The following WARS2 variants were observed in gnomAD, a reference collection of about 807,000 sequenced individuals.
WARS2 encodes tryptophanyl tRNA synthetase 2, mitochondrial.
In WARS2, 28 loss-of-function variants were observed where a neutral mutation model predicts 36.5. The observed-to-expected ratio is 0.77, with a 90% CI of 0.57 to 1.05. WARS2 has a LOEUF of 1.05. WARS2 is among the 50% of genes least tolerant of loss of function. The pLI is 0.00. For missense variants in WARS2, 435 were observed against 456.8 expected (o/e 0.95, Z 0.44); for synonymous variants, 174 against 178.4 (o/e 0.98, Z 0.20).
intron 1 of WARS2, among the ~76,000 whole-genome samples, chr1:119,137,908 A>T (rs960213059): frequency 2.4e-4 from 36 of 152,130 alleles, no homozygotes; most frequent in South Asian, 8.3e-4. Flanking sequence ...ATTTTGTTTT[A>T]AAAAAAGAAA....
chr1:119,107,898 G>A (rs751536295), intron 1 of WARS2, among the ~76,000 whole-genome samples: 3 of 151,918 alleles, frequency 2.0e-5, no homozygotes, highest in South Asian at 2.1e-4. Context: ...TGAGTGTTGC[G>A]TTTTGTTAAA....
intron 2 of WARS2, among the ~76,000 whole-genome samples, chr1:119,068,058 T>C (rs1651014321): frequency 6.6e-6 from 1 of 152,236 alleles, no homozygotes; most frequent in Admixed American, 6.5e-5. Flanking sequence ...ATGGGCCATT[T>C]AGATTCTTAT....
At chr1:119,125,638 A>G (rs1655604242) in intron 1 of WARS2, among the ~76,000 whole-genome samples, 1 of 152,250 alleles carries the variant, frequency 6.6e-6, no homozygotes, top group Non-Finnish European at 1.5e-5. Flanking sequence ...TTAATCATTC[A>G]GGAGACAATG....
chr1:119,140,222 C>G (rs1656844643), intron 1 of WARS2: 1 of 238,732 alleles, frequency 4.2e-6, no homozygotes, highest in African/African-American at 2.2e-5. Flanking sequence ...AGAGCAGTCT[C>G]TAAAACAACC....
chr1:119,107,423 T>A (rs1316747327), intron 1 of WARS2, among the ~76,000 whole-genome samples: 1 of 152,114 alleles, frequency 6.6e-6, no homozygotes, highest in East Asian at 1.9e-4. Context: ...ATTTTACATT[T>A]AGTGTTAGGA....
intron 1 of WARS2, among the ~76,000 whole-genome samples, chr1:119,099,945 A>G (rs1420061308): frequency 1.3e-5 from 2 of 152,176 alleles, no homozygotes; most frequent in African/African-American, 4.8e-5. Flanking sequence ...CCAAAAATAG[A>G]CAAGTAGGAC....
At chr1:119,048,286 CTG>C (rs2101140666) in intron 2 of WARS2, among the ~76,000 whole-genome samples, 1 of 152,306 alleles carries the variant, frequency 6.6e-6, no homozygotes, top group Admixed American at 6.5e-5. Context: ...CTGAGTGACT[CTG>C]TGTAAGTGAT....
intron 2 of WARS2, among the ~76,000 whole-genome samples, chr1:119,074,962 A>C (rs948976433): frequency 6.6e-6 from 1 of 152,136 alleles, no homozygotes; most frequent in Admixed American, 6.5e-5. Context: ...GGACATATAG[A>C]GAGAAATGGC....
At chr1:119,049,564 T>TA (rs1649159353) in intron 2 of WARS2, among the ~76,000 whole-genome samples, 1 of 152,210 alleles carries the variant, frequency 6.6e-6, no homozygotes, top group African/African-American at 2.4e-5. Flanking sequence ...TATATCCAGC[T>TA]ACCTATTCAG....
At chr1:119,050,193 T>C (rs1353284228) in intron 2 of WARS2, among the ~76,000 whole-genome samples, 2 of 152,180 alleles carry the variant, frequency 1.3e-5, no homozygotes, top group African/African-American at 4.8e-5. Context: ...AAGTACACTC[T>C]TACATTAAGG....
chr1:119,127,072 A>T (rs1655717561), intron 1 of WARS2: 1 of 761,080 alleles, frequency 1.3e-6, no homozygotes. Flanking sequence ...TCATTCTGCA[A>T]ATCAGTAAGA....
intron 1 of WARS2, among the ~76,000 whole-genome samples, chr1:119,108,149 A>C (rs1654374314): frequency 6.6e-6 from 1 of 151,826 alleles, no homozygotes; most frequent in Non-Finnish European, 1.5e-5. Context: ...TCTTCTTGTA[A>C]TGTCTTTGTA....
chr1:119,085,460 TTTTCC>T (rs1340201963), intron 1 of WARS2: 77 of 1,526,024 alleles, frequency 5.0e-5, no homozygotes, highest in Non-Finnish European at 6.5e-5. Flanking sequence ...CTTTTTCTTT[TTTTCC>T]TTTTTGTCTT....
intron 2 of WARS2, among the ~76,000 whole-genome samples, chr1:119,073,106 C>CT (rs2101293953): frequency 6.6e-6 from 1 of 151,106 alleles, no homozygotes; most frequent in African/African-American, 2.4e-5. Context: ...TATGATCACA[C>CT]TACTGCACTC....
At chr1:119,049,490 T>C (rs796350606) in intron 2 of WARS2, among the ~76,000 whole-genome samples, 1 of 152,236 alleles carries the variant, frequency 6.6e-6, no homozygotes, top group South Asian at 2.1e-4. Context: ...AAGTAAAATA[T>C]GTATAGTTGA....
At position 119,031,913 on chromosome 1, in the gene WARS2, C is replaced by T. The variant is rs532779695; in HGVS notation, c.*998G>A. Reference sequence around the variant, plus strand: ...GTTCTGTGAATCCAGATTTTAAGTTCGCATCCATTGGCTGAATTGATGATA... The same window carrying T: ...GTTCTGTGAATCCAGATTTTAAGTTTGCATCCATTGGCTGAATTGATGATA... On this transcript the variant is annotated 3_prime_UTR_variant, in exon 6 of 6. Transcript: ENST00000235521. The T allele has an allele frequency of 6.5e-6, 1 of 152,740 alleles. No homozygotes were observed. The highest frequency in any genetic ancestry group is 1.9e-4 in the East Asian group (1 of 5,178). 9.5% of individuals were successfully genotyped at this position (152,740 alleles called of 1,614,324 possible).
At chr1:119,037,532 C>CAA in intron 4 of WARS2, among the ~76,000 whole-genome samples, 1 of 152,152 alleles carries the variant, frequency 6.6e-6, no homozygotes, top group African/African-American at 2.4e-5. Flanking sequence ...TGACTAGTTG[C>CAA]TTGTAGGATA....
intron 1 of WARS2, among the ~76,000 whole-genome samples, chr1:119,110,016 C>T (rs1383345223): frequency 6.6e-6 from 1 of 151,856 alleles, no homozygotes; most frequent in East Asian, 1.9e-4. Flanking sequence ...CTAGTAATAA[C>T]AAAATATGCC....
intron 3 of WARS2, among the ~76,000 whole-genome samples, chr1:119,044,660 G>A (rs924940577): frequency 7.2e-5 from 11 of 152,166 alleles, no homozygotes; most frequent in African/African-American, 2.7e-4. Context: ...GAGGAACCTT[G>A]TTCATGGATA....
Sources: allele counts gnomAD v4.1 joint callset (sites outside exome capture counted in the v4.1 genomes callset), GRCh38; gene constraint gnomAD v4.1.1; transcripts MANE v1.5; gene names NCBI Gene and HGNC (gene_info 2026-07-23, HGNC 2026-07-21).